The following MNAT1 variants were observed in gnomAD, a reference collection of about 807,000 sequenced individuals.
MNAT1 encodes MNAT1 component of CDK activating kinase.
In MNAT1, 43 loss-of-function variants were observed where a neutral mutation model predicts 42.0. The observed-to-expected ratio is 1.02, with a 90% confidence interval of 0.80 to 1.32. The LOEUF (loss-of-function observed/expected upper bound fraction) is 1.32. MNAT1 is among the 40% of genes most tolerant of loss of function. The probability of loss-of-function intolerance (pLI) is 0.00; values close to 1 mark genes in which losing one functional copy is unlikely to be tolerated. For synonymous variants in MNAT1, 118 were observed against 120.0 expected, an observed-to-expected ratio of 0.98 and a Z score of 0.11; for missense variants, 306 against 350.4, an observed-to-expected ratio of 0.87 and a Z score of 1.01.
chr14:60,940,245 AT>A (rs1208490018), intron 7 of MNAT1, among the ~76,000 whole-genome samples: 1 of 152,066 alleles, frequency 6.6e-6, no homozygotes, highest in Non-Finnish European at 1.5e-5. Context: ...TAAGGTTAAT[AT>A]TGTTATGTGT....
chr14:60,768,642 TTTATTCG>T (rs1214419040), intron 1 of MNAT1, among the ~76,000 whole-genome samples: 2 of 152,238 alleles, frequency 1.3e-5, no homozygotes, highest in African/African-American at 4.8e-5. Flanking sequence ...CTGAATGCTC[TTTATTCG>T]TTATCTCATT....
chr14:60,850,917 A>G (rs2033807043), intron 6 of MNAT1, among the ~76,000 whole-genome samples: 1 of 152,250 alleles, frequency 6.6e-6, no homozygotes, highest in African/African-American at 2.4e-5. Flanking sequence ...GTTTTAAGCC[A>G]TAAATAGGCT....
chr14:60,762,845 C>T (rs1034833593), intron 1 of MNAT1, among the ~76,000 whole-genome samples: 6 of 151,458 alleles, frequency 4.0e-5, no homozygotes, highest in African/African-American at 1.5e-4. Context: ...ACCACTTGGC[C>T]GGAAATTTTT....
In MNAT1 at chr14:60,843,446, A is replaced by AT. The variant is rs534929499; in HGVS notation, c.687+24604dup. On this transcript the variant is annotated intron_variant, in intron 6 of 7. Coordinates refer to ENST00000261245, the MANE Select transcript of MNAT1 (RefSeq NM_002431.4). ...CCACCATGCCCGGCTAATTTTTGGT[A>AT]TTTTTAGTAGAGACGGGGTTTCACC... 3.1e-3 allele frequency among the ~76,000 whole-genome samples: 466 copies of AT among 151,774 alleles called. 2 individuals carry two copies. Among genetic ancestry groups the AT allele is most frequent in the South Asian group, 0.019 (89 of 4,774 alleles).
chr14:60,832,025 G>A lies in MNAT1; in HGVS notation c.687+13178G>A, dbSNP rs143174620. ...CCTTTGCCCACTTTTTGATGGGATTGTTTGTTTTTTTTCTTGTAAATTTGT... is the reference window on the plus strand; with the variant it reads ...CCTTTGCCCACTTTTTGATGGGATTATTTGTTTTTTTTCTTGTAAATTTGT... On this transcript the variant is annotated intron_variant, in intron 6 of 7. Coordinates refer to ENST00000261245, the MANE Select transcript of MNAT1 (RefSeq NM_002431.4). 1.6e-3 allele frequency among the ~76,000 whole-genome samples: 245 copies of A among 152,166 alleles called. 1 individual carries two copies. The highest frequency in any genetic ancestry group is 0.01 in the Middle Eastern group (3 of 294).
chr14:60,952,326 CT>C (rs1440090002), intron 7 of MNAT1, among the ~76,000 whole-genome samples: 1 of 152,098 alleles, frequency 6.6e-6, no homozygotes, highest in Non-Finnish European at 1.5e-5. Flanking sequence ...CAATGAATGT[CT>C]TTTTGCGTGA....
At chr14:60,792,136 G>A (rs971080705) in intron 1 of MNAT1, among the ~76,000 whole-genome samples, 1 of 151,992 alleles carries the variant, frequency 6.6e-6, no homozygotes, top group African/African-American at 2.4e-5. Flanking sequence ...AATGCACCAG[G>A]TGTTATTTTT....
intron 1 of MNAT1, among the ~76,000 whole-genome samples, chr14:60,777,745 C>T (rs1336707883): frequency 6.6e-6 from 1 of 152,114 alleles, no homozygotes; most frequent in African/African-American, 2.4e-5. Flanking sequence ...ACCATAGAGT[C>T]TGCTCTTGTG....
intron 3 of MNAT1, among the ~76,000 whole-genome samples, chr14:60,802,634 A>G (rs1023813328): frequency 6.6e-6 from 1 of 152,178 alleles, no homozygotes; most frequent in African/African-American, 2.4e-5. Flanking sequence ...GGGATAGATA[A>G]AGAGGATATT....
At chr14:60,881,634 AT>A (rs2034553948) in intron 7 of MNAT1, among the ~76,000 whole-genome samples, 3 of 151,922 alleles carry the variant, frequency 2.0e-5, no homozygotes, top group African/African-American at 7.2e-5. Flanking sequence ...GATAGAGAAG[AT>A]TTTTTTAAGT....
intron 6 of MNAT1, among the ~76,000 whole-genome samples, chr14:60,842,306 C>G (rs1269935720): frequency 6.6e-6 from 1 of 152,114 alleles, no homozygotes; most frequent in African/African-American, 2.4e-5. Flanking sequence ...TGGCATTTTC[C>G]TCTCTGGTAA....
Position 60,794,028 on chromosome 14 carries a change from C to T in MNAT1, c.90-2189C>T, listed in dbSNP as rs1051232667. Among the ~76,000 whole-genome samples the T allele has an allele frequency of 7.9e-5, 12 of 152,164 alleles. No homozygotes were observed. The South Asian group carries it at 1.0e-3, about 13-fold the overall frequency. Reference sequence around the variant, plus strand: ...ATATTATGTCTAATATACAATATAACGTTTAGAAATATTAATGTTCTATAT... The same window carrying T: ...ATATTATGTCTAATATACAATATAATGTTTAGAAATATTAATGTTCTATAT... On this transcript the variant is annotated intron_variant, in intron 1 of 7. Coordinates refer to ENST00000261245, the MANE Select transcript of MNAT1 (RefSeq NM_002431.4).
intron 7 of MNAT1, among the ~76,000 whole-genome samples, chr14:60,885,497 TTGA>T (rs560700676): frequency 2.0e-5 from 3 of 152,006 alleles, no homozygotes; most frequent in Non-Finnish European, 4.4e-5. Context: ...TTGTATTTTC[TTGA>T]TGATTAGTGA....
Position 60,757,397 on chromosome 14 carries a change from C to CCACA in MNAT1, c.89+22452_89+22455dup, listed in dbSNP as rs757200603. On this transcript the variant is annotated intron_variant, in intron 1 of 7. Transcript: ENST00000261245. ...ATTTTAGTGCATTTTTTTTTATTGTCCACACACACCCACACACAGGCTAGA... is the reference window on the plus strand; with the variant it reads ...ATTTTAGTGCATTTTTTTTTATTGTCCACACACACACACCCACACACAGGCTAGA... Among the ~76,000 whole-genome samples the CCACA allele has an allele frequency of 1.2e-3, 189 of 151,904 alleles. 1 individual carries two copies. The highest frequency in any genetic ancestry group is 4.4e-3 in the African/African-American group (181 of 41,422).
At chr14:60,851,394 A>G (rs2033816640) in intron 6 of MNAT1, among the ~76,000 whole-genome samples, 1 of 148,708 alleles carries the variant, frequency 6.7e-6, no homozygotes, top group Non-Finnish European at 1.5e-5. Context: ...CTGCGTTTTT[A>G]AACAAATTGA....
At chr14:60,881,355 T>C (rs1269646657) in intron 7 of MNAT1, among the ~76,000 whole-genome samples, 1 of 152,000 alleles carries the variant, frequency 6.6e-6, no homozygotes, top group Non-Finnish European at 1.5e-5. Flanking sequence ...TGGCTAATTA[T>C]TGTATTTTTT....
chr14:60,826,712 G>A (rs2033067922), intron 6 of MNAT1, among the ~76,000 whole-genome samples: 1 of 152,090 alleles, frequency 6.6e-6, no homozygotes, highest in African/African-American at 2.4e-5. Flanking sequence ...TTGGCCAGGT[G>A]TTAGTTATTT....
At chr14:60,764,169 G>A (rs2057318) in intron 1 of MNAT1, among the ~76,000 whole-genome samples, 144,043 of 152,100 alleles carry the variant, frequency 0.95, 68,471 homozygotes, top group Non-Finnish European at 0.99. Flanking sequence ...ATATTTGTTA[G>A]TGGTATGATA....
rs2036744712 is a variant in MNAT1, at chr14:60,969,574, G to A, written c.*1225G>A. On this transcript the variant is annotated 3_prime_UTR_variant, in exon 8 of 8. Transcript: ENST00000261245. ...GATCATATTCACAAGTTAGTAAAAA[G>A]CCAGAATTAGAATGCAGGTTTTTTT... is the stretch of plus-strand genomic sequence containing the variant. 1 of 152,026 alleles carries A rather than the reference G, an allele frequency of 6.6e-6. No homozygotes were observed. Among genetic ancestry groups the A allele is most frequent in the Non-Finnish European group, 1.5e-5 (1 of 67,974 alleles). 9.4% of individuals were successfully genotyped at this position (152,026 alleles called of 1,614,324 possible). A position where few individuals can be genotyped will look rare whatever the true frequency, so the allele number is the denominator to read the frequency against.
Sources: allele counts gnomAD v4.1 joint callset (sites outside exome capture counted in the v4.1 genomes callset), GRCh38; gene constraint gnomAD v4.1.1; transcripts MANE v1.5; gene names NCBI Gene and HGNC (gene_info 2026-07-23, HGNC 2026-07-21).